The following KCTD8 variants were observed in gnomAD, a reference collection of about 807,000 sequenced individuals.
KCTD8 encodes potassium channel tetramerization domain containing 8.
Under a neutral mutation model 31.5 loss-of-function variants are expected in KCTD8, and 27 were observed. The observed-to-expected ratio is 0.86, with a 90% CI of 0.63 to 1.18. KCTD8 has a LOEUF of 1.18. Among genes scored for constraint, KCTD8 ranks in the 50% most tolerant of loss-of-function variants. The pLI is 0.00. For synonymous variants in KCTD8, 290 were observed against 280.0 expected, an observed-to-expected ratio of 1.04 and a Z score of -0.36; for missense variants, 658 against 647.7, an observed-to-expected ratio of 1.02 and a Z score of -0.17.
chr4:44,373,343 G>C (rs921623597), intron 1 of KCTD8, among the ~76,000 whole-genome samples: 11 of 151,708 alleles, frequency 7.3e-5, no homozygotes, highest in African/African-American at 1.9e-4. Context: ...CCTGGTGACA[G>C]AGCGAGACTC....
At chr4:44,293,640 G>A (rs1368662134) in intron 1 of KCTD8, among the ~76,000 whole-genome samples, 1 of 151,910 alleles carries the variant, frequency 6.6e-6, no homozygotes, top group African/African-American at 2.4e-5. Flanking sequence ...TAGGAATCTG[G>A]TGAGTTAGGT....
At chr4:44,227,485 T>C (rs1024112747) in intron 1 of KCTD8, among the ~76,000 whole-genome samples, 6 of 152,188 alleles carry the variant, frequency 3.9e-5, no homozygotes, top group Non-Finnish European at 5.9e-5. Context: ...TTTCTTTTAG[T>C]CCTCAACTAT....
At chr4:44,227,362 T>C (rs1441205747) in intron 1 of KCTD8, among the ~76,000 whole-genome samples, 1 of 152,230 alleles carries the variant, frequency 6.6e-6, no homozygotes, top group Non-Finnish European at 1.5e-5. Context: ...CTGTGTGGTA[T>C]TATTTCTGAG....
chr4:44,268,878 A>G (rs894913475), intron 1 of KCTD8, among the ~76,000 whole-genome samples: 5 of 152,164 alleles, frequency 3.3e-5, no homozygotes, highest in Non-Finnish European at 7.3e-5. Context: ...CCACTGCTCA[A>G]TGAAATAAAA....
chr4:44,444,178 C>G (rs1721882830), intron 1 of KCTD8, among the ~76,000 whole-genome samples: 1 of 152,134 alleles, frequency 6.6e-6, no homozygotes, highest in Admixed American at 6.5e-5. Flanking sequence ...GATACAAGCA[C>G]TTAAGGAGAT....
At chr4:44,399,868 T>C (rs1720602234) in intron 1 of KCTD8, among the ~76,000 whole-genome samples, 1 of 152,190 alleles carries the variant, frequency 6.6e-6, no homozygotes, top group Admixed American at 6.5e-5. Context: ...ACATCTACTG[T>C]AAAGGGTATT....
chr4:44,323,473 G>A (rs992330870), intron 1 of KCTD8, among the ~76,000 whole-genome samples: 1 of 149,028 alleles, frequency 6.7e-6, no homozygotes, highest in Non-Finnish European at 1.5e-5. Flanking sequence ...CAGCCTGGGC[G>A]ACAAGAGTGA....
chr4:44,219,754 T>C (rs543209200), intron 1 of KCTD8, among the ~76,000 whole-genome samples: 18 of 152,330 alleles, frequency 1.2e-4, no homozygotes, highest in African/African-American at 4.1e-4. Flanking sequence ...AATGACTTTA[T>C]AATTAAATAT....
chr4:44,417,773 G>A (rs1360199485), intron 1 of KCTD8, among the ~76,000 whole-genome samples: 2 of 152,160 alleles, frequency 1.3e-5, no homozygotes, highest in Non-Finnish European at 2.9e-5. Context: ...TCTAAGACCT[G>A]TGTGCCATTT....
intron 1 of KCTD8, among the ~76,000 whole-genome samples, chr4:44,215,142 T>G (rs1714610545): frequency 6.6e-6 from 1 of 152,156 alleles, no homozygotes; most frequent in Non-Finnish European, 1.5e-5. Context: ...CCTCCATCCC[T>G]GAGTTTTCAG....
intron 1 of KCTD8, among the ~76,000 whole-genome samples, chr4:44,395,304 C>T (rs1720472712): frequency 6.6e-6 from 1 of 152,078 alleles, no homozygotes; most frequent in Non-Finnish European, 1.5e-5. Flanking sequence ...AGCAGTTTCA[C>T]ATGATTAGCA....
At chr4:44,175,963 C>A (rs1245292094) in intron 1 of KCTD8, among the ~76,000 whole-genome samples, 2 of 152,096 alleles carry the variant, frequency 1.3e-5, no homozygotes, top group Admixed American at 1.3e-4. Context: ...CTTAGGAAGG[C>A]AATTTTCAGA....
chr4:44,347,419 T>G (rs1719062720), intron 1 of KCTD8, among the ~76,000 whole-genome samples: 1 of 152,030 alleles, frequency 6.6e-6, no homozygotes, highest in Non-Finnish European at 1.5e-5. Context: ...AGGATAAGAG[T>G]ACATCCTTGA....
chr4:44,373,727 TG>T (rs200073131), intron 1 of KCTD8, among the ~76,000 whole-genome samples: 7 of 152,212 alleles, frequency 4.6e-5, no homozygotes, highest in South Asian at 2.1e-4. Flanking sequence ...ATTAACAGAT[TG>T]TTTTTTCCCA....
chr4:44,418,328 A>C (rs1721125962), intron 1 of KCTD8, among the ~76,000 whole-genome samples: 1 of 152,224 alleles, frequency 6.6e-6, no homozygotes, highest in Non-Finnish European at 1.5e-5. Context: ...TGGGCAGTAC[A>C]GAAATTGAAA....
chr4:44,200,822 G>T (rs1035713617), intron 1 of KCTD8, among the ~76,000 whole-genome samples: 1 of 151,932 alleles, frequency 6.6e-6, no homozygotes, highest in Non-Finnish European at 1.5e-5. Flanking sequence ...TCAGGTAAGA[G>T]AAAAAAGTAA....
intron 1 of KCTD8, among the ~76,000 whole-genome samples, chr4:44,344,092 T>C (rs1405846835): frequency 6.6e-6 from 1 of 152,030 alleles, no homozygotes; most frequent in African/African-American, 2.4e-5. Flanking sequence ...TTCTTGACCT[T>C]GTGATCCACC....
intron 1 of KCTD8, among the ~76,000 whole-genome samples, chr4:44,356,720 C>T (rs2109427757): frequency 6.6e-6 from 1 of 152,270 alleles, no homozygotes; most frequent in East Asian, 1.9e-4. Flanking sequence ...GATCCACCTG[C>T]CTCGGCCTCC....
intron 1 of KCTD8, among the ~76,000 whole-genome samples, chr4:44,248,896 A>G (rs992822618): frequency 1.3e-5 from 2 of 151,858 alleles, no homozygotes; most frequent in Non-Finnish European, 2.9e-5. Context: ...AGTGAGAAAT[A>G]ACAAAAACAA....
Sources: gnomAD v4.1 joint callset for allele counts (sites outside exome capture counted in the v4.1 genomes callset) on GRCh38, gnomAD v4.1.1 for gene constraint, MANE v1.5 for transcripts, NCBI Gene and HGNC (gene_info 2026-07-23, HGNC 2026-07-21) for gene names.